SEPTIN9: variants seen among roughly 807,000 people sequenced by gnomAD.
SEPTIN9 encodes the protein septin 9.
In SEPTIN9, 13 loss-of-function variants were observed where a neutral mutation model predicts 56.6. The ratio of observed to expected loss-of-function variants is 0.23; its 90% CI spans 0.15 to 0.37. The LOEUF (loss-of-function observed/expected upper bound fraction) is 0.37, where lower values mean the gene tolerates loss of function less well. Among genes scored for constraint, SEPTIN9 ranks in the 10% least tolerant of loss-of-function variants. SEPTIN9 has a pLI of 1.00. For synonymous variants in SEPTIN9, 332 were observed against 334.1 expected (o/e 0.99, Z 0.07); for missense variants, 650 against 823.1 (o/e 0.79, Z 2.57).
intron 2 of SEPTIN9, among the ~76,000 whole-genome samples, chr17:77,314,516 C>T (rs1053786738): frequency 1.8e-4 from 28 of 151,984 alleles, no homozygotes; most frequent in African/African-American, 6.0e-4. Flanking sequence ...AGAGGTTGTG[C>T]GTCCTCTATA....
chr17:77,373,437 G>T, intron 2 of SEPTIN9: 1 of 1,469,208 alleles, frequency 6.8e-7, no homozygotes. Context: ...CAGGGCCCGG[G>T]CCCCGCCGGG....
rs548820546 is a variant in SEPTIN9 at position 77,499,694 on chromosome 17, G to A, written c.*1036G>A. The A allele has an allele frequency of 2.5e-6, 1 of 397,088 alleles. No homozygotes were observed. The highest frequency in any genetic ancestry group is 4.7e-6 in the Non-Finnish European group (1 of 211,862). 24.6% of individuals were successfully genotyped at this position (397,088 alleles called of 1,614,324 possible). ...TGTCCGTCTGTCTGTCTAGTGTCTG[G>A]GTTTGGCCCAAGACTGGGCTGTAGT... On this transcript the variant is annotated 3_prime_UTR_variant, in exon 12 of 12. Transcript: ENST00000427177.
At position 77,449,415 on chromosome 17, in the gene SEPTIN9, CAGA is replaced by C. The variant is rs1409972619; in HGVS notation, c.722-32728_722-32726del. 1.3e-5 allele frequency among the ~76,000 whole-genome samples: 2 copies of C among 152,094 alleles called. No individual in the cohort carries two copies. Among genetic ancestry groups the C allele is most frequent in the African/African-American group, 4.8e-5 (2 of 41,400 alleles). On this transcript the variant is annotated intron_variant, in intron 3 of 11. Coordinates refer to ENST00000427177, the MANE Select transcript of SEPTIN9 (RefSeq NM_001113491.2). This position sits in a 1 kb window ranked among gnomAD's most constrained non-coding sequence, Gnocchi z 4.6. ...GCCTCCCAGCTCAGGAATCCAGAGG[CAGA>C]GGAGGGGAGGAGGCTGGGCTTGGAG... is the stretch of plus-strand genomic sequence containing the variant.
chr17:77,428,654 G>A (rs1198918227), intron 3 of SEPTIN9, among the ~76,000 whole-genome samples: 3 of 152,124 alleles, frequency 2.0e-5, no homozygotes, highest in Non-Finnish European at 2.9e-5. Context: ...ACTAACCCTG[G>A]GTCACACAGC....
chr17:77,485,565 A>G (rs2039741317), intron 4 of SEPTIN9, among the ~76,000 whole-genome samples: 1 of 151,876 alleles, frequency 6.6e-6, no homozygotes, highest in African/African-American at 2.4e-5. Context: ...TAATAATAAA[A>G]GTAACAATAA....
chr17:77,394,237 G>A (rs58343774), intron 2 of SEPTIN9, among the ~76,000 whole-genome samples: 9,664 of 152,218 alleles, frequency 0.063, 1,030 homozygotes, highest in African/African-American at 0.22. Flanking sequence ...CAGTGTCACA[G>A]GAGAGTGAAG....
rs756671798 is a variant in SEPTIN9, at chr17:77,307,213, C to T, written c.76+16C>T. 74 of 1,611,630 alleles carry T rather than the reference C, an allele frequency of 4.6e-5. 1 individual carries two copies. The highest frequency in any genetic ancestry group is 5.3e-5 in the Non-Finnish European group (62 of 1,178,188). On this transcript the variant is annotated intron_variant, in intron 2 of 11. Transcript: ENST00000427177. ...AGTGGCCCAGGTAGGTGGCTCGCTC[C>T]GCTCTGGCCCCACCCAGCTCATGGG...
At chr17:77,390,424 G>GT (rs1405865712) in intron 2 of SEPTIN9, among the ~76,000 whole-genome samples, 2 of 115,792 alleles carry the variant, frequency 1.7e-5, no homozygotes, top group Non-Finnish European at 3.5e-5. Context: ...TGTTTCAGAG[G>GT]TAAAAAAAAA....
chr17:77,326,023 G>A lies in SEPTIN9; in HGVS notation c.76+18826G>A, dbSNP rs1398322086. The stretch of plus-strand genomic sequence containing the variant: ...TGTCAGCCTTTTTCTGCTGCCTGGT[G>A]CTCTAGGTTGGCTTGTCACCCCTGG... On this transcript the variant is annotated intron_variant, in intron 2 of 11. Transcript: ENST00000427177. The surrounding 1 kb of genome is among the most constrained non-coding windows in gnomAD (Gnocchi z 5.1). 1.3e-5 allele frequency among the ~76,000 whole-genome samples: 2 copies of A among 152,060 alleles called. No individual in the cohort carries two copies. The highest frequency in any genetic ancestry group is 2.4e-5 in the African/African-American group (1 of 41,404).
At position 77,361,569 on chromosome 17, in the gene SEPTIN9, G is replaced by GT. The variant is rs373879271; in HGVS notation, c.77-40480dup. ...TTTAGGTCCCCAATTGGACAAAGCT[G>GT]TTTTTTTTTTCTGGATAAATGTTCT... is the stretch of plus-strand genomic sequence containing the variant. On this transcript the variant is annotated intron_variant, in intron 2 of 11. Coordinates refer to ENST00000427177, the MANE Select transcript of SEPTIN9 (RefSeq NM_001113491.2). Among the ~76,000 whole-genome samples the GT allele has an allele frequency of 1.4e-3, 202 of 148,568 alleles. 1 individual carries two copies. The highest frequency in any genetic ancestry group is 8.9e-3 in the East Asian group (45 of 5,064).
At chr17:77,484,348 TG>T (rs1268056809) in intron 4 of SEPTIN9, among the ~76,000 whole-genome samples, 5 of 138,548 alleles carry the variant, frequency 3.6e-5, no homozygotes, top group African/African-American at 1.4e-4. Flanking sequence ...ATGGAGGTGA[TG>T]GTGATAGTGA....
chr17:77,284,021 G>A (rs1354596342), intron 1 of SEPTIN9, among the ~76,000 whole-genome samples: 2 of 152,196 alleles, frequency 1.3e-5, no homozygotes, highest in Non-Finnish European at 2.9e-5. Context: ...ATTGAGCTGG[G>A]CCTTGAGGAA....
chr17:77,405,521 C>T lies in SEPTIN9; in HGVS notation c.721+2818C>T, dbSNP rs963997459. On this transcript the variant is annotated intron_variant, in intron 3 of 11. Coordinates refer to ENST00000427177, the MANE Select transcript of SEPTIN9 (RefSeq NM_001113491.2). This position sits in a 1 kb window ranked among gnomAD's most constrained non-coding sequence, Gnocchi z 5.8. ...TCAGCATCCCAGACCCGGCCACCCA[C>T]GGACAGGGACCTGTGCAGGTGGGAG... 2.6e-5 allele frequency among the ~76,000 whole-genome samples: 4 copies of T among 152,200 alleles called. No individual in the cohort carries two copies. The highest frequency in any genetic ancestry group is 4.4e-5 in the Non-Finnish European group (3 of 68,032).
intron 3 of SEPTIN9, chr17:77,466,562 T>C: frequency 1.0e-6 from 1 of 985,406 alleles, no homozygotes. Context: ...AGTCCCACAG[T>C]AGGTCAACCC....
intron 2 of SEPTIN9, among the ~76,000 whole-genome samples, chr17:77,316,872 G>A (rs1338110483): frequency 6.6e-6 from 1 of 151,938 alleles, no homozygotes; most frequent in African/African-American, 2.4e-5. Flanking sequence ...TTGCCCAGCT[G>A]GGGTTTCTGC....
At chr17:77,468,266 A>C (rs2038837096) in intron 3 of SEPTIN9, among the ~76,000 whole-genome samples, 1 of 150,126 alleles carries the variant, frequency 6.7e-6, no homozygotes, top group Non-Finnish European at 1.5e-5. Context: ...CTCCATCTCA[A>C]AAAAAACAAA....
intron 2 of SEPTIN9, among the ~76,000 whole-genome samples, chr17:77,394,645 C>G (rs1007665786): frequency 1.3e-5 from 2 of 152,192 alleles, no homozygotes; most frequent in South Asian, 4.1e-4. Context: ...GACATTTGTC[C>G]CAGGCTGGAG....
chr17:77,303,223 C>G (rs2032133377), intron 1 of SEPTIN9, among the ~76,000 whole-genome samples: 1 of 151,804 alleles, frequency 6.6e-6, no homozygotes, highest in Admixed American at 6.6e-5. Flanking sequence ...GCCTTGGCCT[C>G]CCGAGTAGCT....
rs1567986344 is a variant in SEPTIN9, at chr17:77,310,216, AG to A, written c.76+3021del. On this transcript the variant is annotated intron_variant, in intron 2 of 11. Coordinates refer to ENST00000427177, the MANE Select transcript of SEPTIN9 (RefSeq NM_001113491.2). This position sits in a 1 kb window ranked among gnomAD's most constrained non-coding sequence, Gnocchi z 4.7. ...AGGCTGGTCTCATACCCCTGACCTC[AG>A]GTGATCCACCTGCCTTGGCCTCCCA... is the stretch of plus-strand genomic sequence containing the variant. Among the ~76,000 whole-genome samples, 3 of 152,254 alleles carry A rather than the reference AG, an allele frequency of 2.0e-5. No homozygotes were observed. Among genetic ancestry groups the A allele is most frequent in the Admixed American group, 2.0e-4 (3 of 15,294 alleles).
Sources: gnomAD v4.1 joint callset for allele counts (sites outside exome capture counted in the v4.1 genomes callset) on GRCh38, gnomAD v4.1.1 for gene constraint, Gnocchi (gnomAD v3.1) non-coding constraint, MANE v1.5 for transcripts, NCBI Gene and HGNC (gene_info 2026-07-23, HGNC 2026-07-21) for gene names.